Variants in KTN1 observed in about 807,000 individuals in gnomAD.
KTN1 encodes kinectin.
Under a neutral mutation model 222.5 loss-of-function variants are expected in KTN1, and 130 were observed. The observed-to-expected ratio is 0.58, with a 90% CI of 0.51 to 0.68. The LOEUF is 0.68. Among genes scored for constraint, KTN1 ranks in the 30% least tolerant of loss-of-function variants. The probability of loss-of-function intolerance (pLI) is 0.00; values close to 1 mark genes in which losing one functional copy is unlikely to be tolerated. For synonymous variants in KTN1, 512 were observed against 496.3 expected, an observed-to-expected ratio of 1.03 and a Z score of -0.42; for missense variants, 1,508 against 1,500.4, an observed-to-expected ratio of 1.01 and a Z score of -0.08.
rs970324308 is a variant in KTN1, at chr14:55,684,395, C to G, written c.*292C>G. 5.3e-5 allele frequency: 16 copies of G among 302,802 alleles called. No individual in the cohort carries two copies. The highest frequency in any genetic ancestry group is 2.8e-4 in the African/African-American group (13 of 46,792). The allele number at this position is 302,802 out of a possible 1,614,324, so 18.8% of individuals were successfully genotyped here. A position where few individuals can be genotyped will look rare whatever the true frequency, so the allele number is the denominator to read the frequency against. The stretch of plus-strand genomic sequence containing the variant: ...TCTTATTTTGCTCAATAAAATTGTT[C>G]AGAAGATCAAAGTGGTAAAGACAAT... On this transcript the variant is annotated 3_prime_UTR_variant, in exon 44 of 44. Coordinates refer to ENST00000395314, the MANE Select transcript of KTN1 (RefSeq NM_001079521.2).
At chr14:55,624,262 G>T (rs2039515284) in intron 5 of KTN1, among the ~76,000 whole-genome samples, 1 of 152,200 alleles carries the variant, frequency 6.6e-6, no homozygotes, top group African/African-American at 2.4e-5. Context: ...CGAAGTCGCA[G>T]AGGTAATTGA....
intron 32 of KTN1, among the ~76,000 whole-genome samples, chr14:55,662,113 C>T (rs1487387611): frequency 6.7e-6 from 1 of 149,612 alleles, no homozygotes; most frequent in Non-Finnish European, 1.5e-5. Context: ...CTCTGTTGCC[C>T]AGGCTGGAGG....
At chr14:55,642,326 A>G (rs1403410386) in intron 18 of KTN1, among the ~76,000 whole-genome samples, 2 of 152,102 alleles carry the variant, frequency 1.3e-5, no homozygotes, top group Non-Finnish European at 2.9e-5. Flanking sequence ...TATTTATTTT[A>G]TCCATCTCAT....
intron 11 of KTN1, 46 bp from the exon 12 acceptor site, chr14:55,637,725 CATGGGGTT>C: frequency 7.9e-7 from 1 of 1,258,432 alleles, no homozygotes. Context: ...TGTTCATATA[CATGGGGTT>C]ATTTATTAGC....
chr14:55,605,389 C>G (rs147163033), intron 1 of KTN1, among the ~76,000 whole-genome samples: 1 of 152,198 alleles, frequency 6.6e-6, no homozygotes, highest in East Asian at 1.9e-4. Flanking sequence ...GATGGCTTAT[C>G]ACGTGTTCTG....
intron 5 of KTN1, among the ~76,000 whole-genome samples, chr14:55,627,499 A>G (rs902035745): frequency 1.3e-5 from 2 of 151,980 alleles, no homozygotes; most frequent in South Asian, 4.2e-4. Flanking sequence ...ATACATGTGC[A>G]GAACGTGCAG....
At chr14:55,630,862 A>G (rs1268635566) in intron 7 of KTN1, among the ~76,000 whole-genome samples, 2 of 152,178 alleles carry the variant, frequency 1.3e-5, no homozygotes, top group East Asian at 1.9e-4. Context: ...CTGAAATTAG[A>G]TGTTGACAAT....
Position 55,598,352 on chromosome 14 carries a change from G to C in KTN1, c.-30-13667G>C, listed in dbSNP as rs577415952. 4.0e-5 allele frequency among the ~76,000 whole-genome samples: 6 copies of C among 150,336 alleles called. No individual in the cohort carries two copies. The South Asian group carries it at 1.1e-3, about 26-fold the overall frequency. On this transcript the variant is annotated intron_variant, in intron 1 of 43. Coordinates refer to ENST00000395314, the MANE Select transcript of KTN1 (RefSeq NM_001079521.2). The stretch of plus-strand genomic sequence containing the variant: ...CTGGAGGCAGAGGCAGGAGAATGGC[G>C]GGAGCCCAGGAGGCGGAGCTTGCAG...
chr14:55,672,660 G>A lies in KTN1; in HGVS notation c.3562G>A (p.Glu1188Lys). ...GTCATCATTTACATCTTCAGAACAA[G>A]AGCTAGAGCGATTAAGAAGCGAAAA... ...MQSSFTSSEQ[E>K]LERLRSENKD... is the part of the protein sequence containing the mutation. Residue 1188 changes from glutamate (E) to lysine (K), a missense_variant, in exon 38 of 44, where the codon GAG (glutamate) becomes AAG (lysine). Coordinates refer to ENST00000395314, the MANE Select transcript of KTN1 (RefSeq NM_001079521.2). The A allele has an allele frequency of 2.5e-6, 4 of 1,607,682 alleles. No homozygotes were observed. The highest frequency in any genetic ancestry group is 3.4e-6 in the Non-Finnish European group (4 of 1,174,782).
At chr14:55,606,007 A>G (rs2036673860) in intron 1 of KTN1, among the ~76,000 whole-genome samples, 1 of 152,216 alleles carries the variant, frequency 6.6e-6, no homozygotes, top group South Asian at 2.1e-4. Flanking sequence ...TAAACATGGT[A>G]TGAAGAGTGT....
At chr14:55,622,467 A>G (rs1277253851) in intron 5 of KTN1, among the ~76,000 whole-genome samples, 1 of 152,228 alleles carries the variant, frequency 6.6e-6, no homozygotes, top group South Asian at 2.1e-4. Flanking sequence ...ATTCACTATA[A>G]TATCATATGT....
chr14:55,649,681 A>T, intron 21 of KTN1, 95 bp from the exon 22 acceptor site: 1 of 735,558 alleles, frequency 1.4e-6, no homozygotes. Context: ...TTGGATTTTG[A>T]TTGTATTGGA....
At chr14:55,658,510 T>A (rs1190690269) in intron 29 of KTN1, 36 bp from the exon 30 acceptor site, 1 of 1,199,646 alleles carries the variant, frequency 8.3e-7, no homozygotes, top group South Asian at 1.3e-5. Flanking sequence ...GGAAAAAATC[T>A]GTTTAGATAC....
At chr14:55,600,055 G>A (rs2035734421) in intron 1 of KTN1, among the ~76,000 whole-genome samples, 1 of 151,116 alleles carries the variant, frequency 6.6e-6, no homozygotes, top group Admixed American at 6.6e-5. Flanking sequence ...ATTTTTGATA[G>A]TATTTGATGT....
intron 31 of KTN1, among the ~76,000 whole-genome samples, chr14:55,660,786 C>T (rs1411256360): frequency 2.6e-5 from 4 of 152,066 alleles, no homozygotes; most frequent in Non-Finnish European, 4.4e-5. Flanking sequence ...TATGTGTGTA[C>T]ATGTATAAAT....
At chr14:55,641,523 G>T (rs1259918111) in intron 17 of KTN1, among the ~76,000 whole-genome samples, 169 bp from the exon 18 acceptor site, 1 of 151,980 alleles carries the variant, frequency 6.6e-6, no homozygotes, top group Non-Finnish European at 1.5e-5. Context: ...CAAGTGCTAG[G>T]GTGCATCTCT....
chr14:55,584,910 A>AT (rs1775452212), intron 1 of KTN1, among the ~76,000 whole-genome samples: 1 of 152,106 alleles, frequency 6.6e-6, no homozygotes, highest in African/African-American at 2.4e-5. Flanking sequence ...AGGTGTGTGG[A>AT]TTGCTTGAGC....
chr14:55,636,621 T>C (rs2041154032), intron 10 of KTN1, 85 bp downstream of exon 10: 1 of 934,448 alleles, frequency 1.1e-6, no homozygotes, highest in Non-Finnish European at 1.6e-6. Context: ...GAAAGTATAA[T>C]TTGGCATTTT....
intron 7 of KTN1, among the ~76,000 whole-genome samples, chr14:55,631,926 AT>A (rs912818498): frequency 3.3e-5 from 5 of 151,604 alleles, no homozygotes; most frequent in East Asian, 1.9e-4. Context: ...TTGGTACCAG[AT>A]TTTTTTTTGG....
Sources: allele counts gnomAD v4.1 joint callset (sites outside exome capture counted in the v4.1 genomes callset), GRCh38; gene constraint gnomAD v4.1.1; transcripts MANE v1.5; gene names NCBI Gene and HGNC (gene_info 2026-07-23, HGNC 2026-07-21).